Variants in RPTOR observed in about 807,000 individuals in gnomAD.
RPTOR encodes regulatory associated protein of MTOR complex 1, also known as regulatory-associated protein of mTOR.
RPTOR carries 21 observed loss-of-function variants against 169.9 expected under a neutral mutation model. The ratio of observed to expected loss-of-function variants is 0.12; its 90% CI spans 0.09 to 0.18. The LOEUF is 0.18. RPTOR is among the 10% of genes least tolerant of loss of function. The pLI is 1.00. For missense variants in RPTOR, 1,133 were observed against 1,855.9 expected (o/e 0.61, Z 7.16); for synonymous variants, 732 against 753.2 (o/e 0.97, Z 0.46).
chr17:80,736,502 A>T (rs1242582071), intron 5 of RPTOR, among the ~76,000 whole-genome samples: 2 of 152,196 alleles, frequency 1.3e-5, no homozygotes, highest in African/African-American at 4.8e-5. Context: ...TCCTGCACTG[A>T]TCCCCGTAGC....
chr17:80,685,649 T>TA (rs1567856797), intron 3 of RPTOR, among the ~76,000 whole-genome samples: 7 of 107,868 alleles, frequency 6.5e-5, no homozygotes, highest in South Asian at 3.4e-4. Flanking sequence ...TTTTTTTTTT[T>TA]TTTTTTTTGC....
chr17:80,561,690 C>A (rs1055011250), intron 1 of RPTOR, among the ~76,000 whole-genome samples: 2 of 152,050 alleles, frequency 1.3e-5, no homozygotes, highest in Non-Finnish European at 2.9e-5. Flanking sequence ...CCTCAGCCTC[C>A]CAAAGTGCTA....
intron 1 of RPTOR, among the ~76,000 whole-genome samples, chr17:80,586,407 G>C (rs747672169): frequency 6.6e-6 from 1 of 152,186 alleles, no homozygotes; most frequent in East Asian, 1.9e-4. Flanking sequence ...TGCCTCCAAA[G>C]ATGTGGGTGT....
At position 80,754,332 on chromosome 17, in the gene RPTOR, G is replaced by A. The variant is rs750199545; in HGVS notation, c.830+147G>A. 1 of 799,984 alleles carries A rather than the reference G, an allele frequency of 1.3e-6. No individual in the cohort carries two copies. Among genetic ancestry groups the A allele is most frequent in the Non-Finnish European group, 2.0e-6 (1 of 510,988 alleles). 49.6% of individuals were successfully genotyped at this position (799,984 alleles called of 1,614,324 possible). A position where few individuals can be genotyped will look rare whatever the true frequency, so the allele number is the denominator to read the frequency against. On this transcript the variant is annotated intron_variant, in intron 6 of 33. Transcript: ENST00000306801. This position sits in a 1 kb window ranked among gnomAD's most constrained non-coding sequence, Gnocchi z 4.2. The stretch of plus-strand genomic sequence containing the variant: ...CCCCGCCTTCTTTTTGTGTCATTCG[G>A]GATTCCAGGTGGAGGTTTGGGTTCT...
At chr17:80,858,017 G>A (rs1227415642) in intron 13 of RPTOR, 117 bp downstream of exon 13, 8 of 798,930 alleles carry the variant, frequency 1.0e-5, no homozygotes, top group Non-Finnish European at 1.7e-5. Flanking sequence ...TCCAGGCACC[G>A]CCGTTCCCTT....
At chr17:80,926,467 G>A (rs2068813401) in intron 24 of RPTOR, among the ~76,000 whole-genome samples, 1 of 152,190 alleles carries the variant, frequency 6.6e-6, no homozygotes, top group Admixed American at 6.5e-5. Context: ...TCATGAATCT[G>A]CTAAAATACT....
intron 7 of RPTOR, among the ~76,000 whole-genome samples, chr17:80,794,367 G>A (rs2067079957): frequency 6.6e-6 from 1 of 152,220 alleles, no homozygotes; most frequent in African/African-American, 2.4e-5. Context: ...ATTAGGTAAT[G>A]CAAATTAAAA....
Position 80,888,068 on chromosome 17 carries a change from T to C in RPTOR, c.1983+2920T>C, listed in dbSNP as rs959237576. ...CTTGGATGGGGGCTTACTCCCTCCC[T>C]GTCATGGCCTCGGGAGGAAATAAGG... is the stretch of plus-strand genomic sequence containing the variant. On this transcript the variant is annotated intron_variant, in intron 17 of 33. Coordinates refer to ENST00000306801, the MANE Select transcript of RPTOR (RefSeq NM_020761.3). Among the ~76,000 whole-genome samples, 33 of 152,322 alleles carry C rather than the reference T, an allele frequency of 2.2e-4. No homozygotes were observed. In the South Asian group the frequency reaches 2.7e-3, roughly 12 times the overall value.
chr17:80,830,344 C>G (rs1598336476), intron 9 of RPTOR, among the ~76,000 whole-genome samples: 1 of 152,204 alleles, frequency 6.6e-6, no homozygotes, highest in Non-Finnish European at 1.5e-5. Context: ...TTCCTCTCCT[C>G]TCACTGCCAC....
intron 5 of RPTOR, chr17:80,743,376 G>A (rs2066504218): frequency 1.0e-6 from 1 of 985,392 alleles, no homozygotes. Flanking sequence ...AGGCCTGAAG[G>A]AGATGTCTAA....
chr17:80,763,358 A>G (rs1035732002), intron 6 of RPTOR, among the ~76,000 whole-genome samples: 7 of 152,386 alleles, frequency 4.6e-5, no homozygotes, highest in African/African-American at 1.7e-4. Flanking sequence ...CAGTCCCAAT[A>G]TGACTTAAAG....
intron 3 of RPTOR, among the ~76,000 whole-genome samples, chr17:80,666,107 A>G (rs1203979078): frequency 6.6e-6 from 1 of 152,190 alleles, no homozygotes; most frequent in Non-Finnish European, 1.5e-5. Context: ...GATGCCTTTC[A>G]ATATGAAATA....
chr17:80,929,287 G>A (rs951841114), intron 24 of RPTOR, among the ~76,000 whole-genome samples: 2 of 152,176 alleles, frequency 1.3e-5, no homozygotes, highest in African/African-American at 4.8e-5. Context: ...CTGTAGACTG[G>A]AACAAGCACG....
chr17:80,961,333 C>T (rs556241163), intron 30 of RPTOR, 61 bp from the exon 31 acceptor site: 1 of 1,478,092 alleles, frequency 6.8e-7, no homozygotes, highest in South Asian at 1.2e-5. Flanking sequence ...CGGTGAGAGC[C>T]CCGAAGGGTG....
intron 1 of RPTOR, 106 bp downstream of exon 1, chr17:80,545,897 C>A: frequency 1.0e-6 from 1 of 985,936 alleles, no homozygotes; most frequent in Non-Finnish European, 1.5e-6. Flanking sequence ...TCCCCCTAGC[C>A]ACACGTTGTA....
chr17:80,778,527 C>G (rs181529912), intron 6 of RPTOR, among the ~76,000 whole-genome samples: 114 of 152,294 alleles, frequency 7.5e-4, no homozygotes, highest in African/African-American at 2.7e-3. Context: ...ACACCCCACA[C>G]GATTAAAGAA....
intron 24 of RPTOR, among the ~76,000 whole-genome samples, chr17:80,930,244 G>GCTCATCCTCAGCTCATCCTCAA (rs2068865703): frequency 2.9e-4 from 6 of 20,566 alleles, no homozygotes; most frequent in Admixed American, 4.5e-4. Context: ...CTCATCCTCA[G>GCTCATCCTCAGCTCATCCTCAA]CTCAGCTCAT....
intron 25 of RPTOR, chr17:80,941,082 A>G (rs1375037171): frequency 6.4e-6 from 1 of 157,364 alleles, no homozygotes; most frequent in Admixed American, 6.2e-5. Context: ...TGAAAATGCC[A>G]GGCCCTGCTT....
chr17:80,634,420 CGTGTGTGTGTGCATACT>C (rs1346153860), intron 2 of RPTOR, among the ~76,000 whole-genome samples: 8 of 37,286 alleles, frequency 2.1e-4, no homozygotes, highest in Admixed American at 6.2e-4. Context: ...GTGTGCATAC[CGTGTGTGTGTGCATACT>C]GTGTGCATAC....
Sources: allele counts gnomAD v4.1 joint callset (sites outside exome capture counted in the v4.1 genomes callset), GRCh38; gene constraint gnomAD v4.1.1; non-coding constraint Gnocchi (gnomAD v3.1); transcripts MANE v1.5; gene names NCBI Gene and HGNC (gene_info 2026-07-23, HGNC 2026-07-21).